ADORA2A: variants seen among roughly 807,000 people sequenced by gnomAD.
ADORA2A encodes adenosine A2a receptor, also known as adenosine receptor A2a.
Under a neutral mutation model 18.4 loss-of-function variants are expected in ADORA2A, and 11 were observed. The observed-to-expected ratio is 0.60, with a 90% CI of 0.38 to 0.99. ADORA2A has a LOEUF of 0.99. Among genes scored for constraint, ADORA2A ranks in the 50% least tolerant of loss-of-function variants. The pLI is 0.01. For synonymous variants in ADORA2A, 218 were observed against 237.3 expected, an observed-to-expected ratio of 0.92 and a Z score of 0.75; for missense variants, 449 against 556.1, an observed-to-expected ratio of 0.81 and a Z score of 1.94.
chr22:24,427,775 G>T (rs199927972), intron 1 of ADORA2A, 29 bp downstream of exon 1: 1 of 152,278 alleles, frequency 6.6e-6, no homozygotes, highest in African/African-American at 2.4e-5. Flanking sequence ...GGGAGGAGGG[G>T]GTGCTGTGGC....
chr22:24,433,479 G>A lies in ADORA2A; in HGVS notation c.75G>A (p.Val25=), dbSNP rs1231431329. Residue 25 remains valine (V), a synonymous_variant, in exon 2 of 3, where the codon GTG becomes GTA. Transcript: ENST00000337539. ...AIAVLAILGN[V]LVCWAVWLNS... is the part of the protein sequence containing the mutation. ...CTGTGCTGGCCATCCTGGGCAATGT[G>A]CTGGTGTGCTGGGCCGTGTGGCTCA... 1 of 1,614,178 alleles carries A rather than the reference G, an allele frequency of 6.2e-7. No individual in the cohort carries two copies. The highest frequency in any genetic ancestry group is 8.5e-7 in the Non-Finnish European group (1 of 1,180,042).
At chr22:24,425,141 G>A (rs541069081), upstream of ADORA2A, among the ~76,000 whole-genome samples, 4 of 152,182 alleles carry the variant, frequency 2.6e-5, no homozygotes, top group East Asian at 7.8e-4. Context: ...GTTCCCCGGC[G>A]GGGCACCCTG....
intron 2 of ADORA2A, among the ~76,000 whole-genome samples, chr22:24,434,070 G>A (rs982230347): frequency 4.6e-5 from 7 of 152,242 alleles, no homozygotes; most frequent in African/African-American, 1.7e-4. Flanking sequence ...TGTGGTCCCA[G>A]TGACCCACGT....
At chr22:24,439,854 A>G (rs1330601405) in intron 2 of ADORA2A, among the ~76,000 whole-genome samples, 2 of 152,042 alleles carry the variant, frequency 1.3e-5, no homozygotes, top group Non-Finnish European at 1.5e-5. Flanking sequence ...TGGCCATGTA[A>G]ATGTTAACAA....
chr22:24,427,773 G>A (rs943860920), intron 1 of ADORA2A, 27 bp downstream of exon 1: 10 of 152,332 alleles, frequency 6.6e-5, no homozygotes, highest in African/African-American at 2.2e-4. Context: ...CGGGGAGGAG[G>A]GGGTGCTGTG....
At chr22:24,425,345 C>CCG (rs1568940797), upstream of ADORA2A, among the ~76,000 whole-genome samples, 2 of 132,692 alleles carry the variant, frequency 1.5e-5, no homozygotes, top group South Asian at 2.7e-4. Context: ...GCACCCCCCC[C>CCG]CCCCCCGCCC....
At chr22:24,434,089 C>T (rs1181743808) in intron 2 of ADORA2A, among the ~76,000 whole-genome samples, 1 of 152,200 alleles carries the variant, frequency 6.6e-6, no homozygotes, top group African/African-American at 2.4e-5. Flanking sequence ...GTGCTGCCAG[C>T]GGGTGTGTCT....
intron 1 of ADORA2A, chr22:24,431,120 G>C (rs921980846): frequency 6.6e-6 from 3 of 456,674 alleles, no homozygotes; most frequent in African/African-American, 6.0e-5. Context: ...GGTGCCAGGA[G>C]AGCTGGTCTG....
chr22:24,432,707 G>A (rs1319540617), intron 1 of ADORA2A: 1 of 153,156 alleles, frequency 6.5e-6, no homozygotes, highest in Non-Finnish European at 1.5e-5. Flanking sequence ...GGAATGCAGG[G>A]AGCCATGGAT....
chr22:24,423,781 G>C (rs867002657), upstream of ADORA2A: 1 of 152,156 alleles, frequency 6.6e-6, no homozygotes. Flanking sequence ...GATCGCCTGC[G>C]GGCCTCGCGG....
In ADORA2A at chr22:24,433,559, A is replaced by G; in HGVS notation, c.155A>G (p.Asp52Gly). The change falls in exon 2 of 3, where the codon GAC (aspartate) becomes GGC (glycine). Residue 52 changes from aspartate (D) to glycine (G), a missense_variant. Asp to Gly is a moderately conservative substitution (Grantham distance 94). Coordinates refer to ENST00000337539, the MANE Select transcript of ADORA2A (RefSeq NM_000675.6). ...NYFVVSLAAA[D>G]IAVGVLAIPF... ...TTTGTGGTGTCACTGGCGGCGGCCG[A>G]CATCGCAGTGGGTGTGCTCGCCATC... The G allele has an allele frequency of 6.2e-7, 1 of 1,614,088 alleles. No individual in the cohort carries two copies. The highest frequency in any genetic ancestry group is 1.1e-5 in the South Asian group (1 of 91,086).
At position 24,441,337 on chromosome 22, in the gene ADORA2A, C is replaced by T. The variant is rs1457638101; in HGVS notation, c.1087C>T (p.Leu363=). ...HPERRPNGYA[L]GLVSGGSAQE... ...TGAGCGGAGGCCCAATGGCTATGCC[C>T]TGGGGCTGGTGAGTGGAGGGAGTGC... Residue 363 remains leucine (L), a synonymous_variant, in exon 3 of 3, where the codon CTG becomes TTG. Coordinates refer to ENST00000337539, the MANE Select transcript of ADORA2A (RefSeq NM_000675.6). The T allele has an allele frequency of 1.3e-6, 2 of 1,597,718 alleles. No individual in the cohort carries two copies. The highest frequency in any genetic ancestry group is 2.7e-5 in the African/African-American group (2 of 74,648).
chr22:24,441,302 C>G lies in ADORA2A; in HGVS notation c.1052C>G (p.Ala351Gly). ...HPPGVWANGS[A>G]PHPERRPNGY... ...CCAGGAGTGTGGGCCAACGGCAGTG[C>G]TCCCCACCCTGAGCGGAGGCCCAAT... is the stretch of plus-strand genomic sequence containing the variant. The change falls in exon 3 of 3, where the codon GCT becomes GGT. Residue 351 changes from alanine to glycine, a missense_variant. Transcript: ENST00000337539. 6.2e-7 allele frequency: 1 copy of G among 1,609,510 alleles called. No homozygotes were observed. The highest frequency in any genetic ancestry group is 1.7e-5 in the Admixed American group (1 of 59,800).
chr22:24,433,727 T>C lies in ADORA2A; in HGVS notation c.323T>C (p.Ile108Thr). 1 of 1,605,740 alleles carries C rather than the reference T, an allele frequency of 6.2e-7. No homozygotes were observed. Among genetic ancestry groups the C allele is most frequent in the Middle Eastern group, 1.6e-4 (1 of 6,062 alleles). ...IAIDRYIAIRIPLRYNGLVTG... is the reference protein window; with the variant it reads ...IAIDRYIAIRTPLRYNGLVTG... ...ATTGACCGCTACATTGCCATCCGCA[T>C]CCCGCTCCGGTGAGCAGGGCCGGGG... is the stretch of plus-strand genomic sequence containing the variant. Residue 108 changes from isoleucine to threonine, a missense_variant, in exon 2 of 3, where the codon ATC (isoleucine) becomes ACC (threonine). Physicochemically the swap from Ile to Thr is moderately conservative, Grantham distance 89. Coordinates refer to ENST00000337539, the MANE Select transcript of ADORA2A (RefSeq NM_000675.6).
chr22:24,424,138 G>C (rs1413223540), upstream of ADORA2A, among the ~76,000 whole-genome samples: 2 of 152,008 alleles, frequency 1.3e-5, no homozygotes, highest in African/African-American at 4.8e-5. This position sits in a 1 kb window ranked among gnomAD's most constrained non-coding sequence, Gnocchi z 4.9. Flanking sequence ...CCCGAGACCA[G>C]TTCCCCGGCG....
chr22:24,429,413 A>G (rs778532641), intron 1 of ADORA2A: 11 of 152,284 alleles, frequency 7.2e-5, no homozygotes, highest in Admixed American at 3.3e-4. Context: ...GGGTAATCAC[A>G]GAGAAGTATT....
At position 24,441,438 on chromosome 22, in the gene ADORA2A, G is replaced by GCCCCCTGGCCTAGATGA; in HGVS notation, c.1199_1215dup (p.Gln406Ter). On this transcript the variant is annotated frameshift_variant, in exon 3 of 3. Transcript: ENST00000337539. LOFTEE classifies it high-confidence loss of function. ...ATGAGCTCAAGGGAGTGTGCCCAGA[G>GCCCCCTGGCCTAGATGA]CCCCCTGGCCTAGATGACCCCCTGG... 6.6e-7 allele frequency: 1 copy of GCCCCCTGGCCTAGATGA among 1,523,438 alleles called. No homozygotes were observed. Among genetic ancestry groups the GCCCCCTGGCCTAGATGA allele is most frequent in the Non-Finnish European group, 8.8e-7 (1 of 1,138,088 alleles). The allele number at this position is 1,523,438 out of a possible 1,614,324, so 94.4% of individuals were successfully genotyped here.
In ADORA2A at chr22:24,440,688, C is replaced by T. The variant is rs780091269; in HGVS notation, c.438C>T (p.Cys146=). The T allele has an allele frequency of 1.2e-5, 20 of 1,613,620 alleles. No homozygotes were observed. Among genetic ancestry groups the T allele is most frequent in the Middle Eastern group, 1.7e-4 (1 of 6,054 alleles). Reference sequence around the variant, plus strand: ...CTCCCATGCTAGGTTGGAACAACTGCGGTCAGCCAAAGGAGGGCAAGAACC... The same window carrying T: ...CTCCCATGCTAGGTTGGAACAACTGTGGTCAGCCAAAGGAGGGCAAGAACC... The part of the protein sequence containing the change: ...GLTPMLGWNN[C]GQPKEGKNHS... The change falls in exon 3 of 3, where the codon TGC becomes TGT. Residue 146 remains cysteine, a synonymous_variant. Transcript: ENST00000337539.
At chr22:24,436,584 T>C (rs1205118021) in intron 2 of ADORA2A, among the ~76,000 whole-genome samples, 2 of 152,148 alleles carry the variant, frequency 1.3e-5, no homozygotes, top group Non-Finnish European at 2.9e-5. Context: ...GACACAGGCT[T>C]CTTTTTCCAG....
Sources: gnomAD v4.1 joint callset for allele counts (sites outside exome capture counted in the v4.1 genomes callset) on GRCh38, gnomAD v4.1.1 for gene constraint, Gnocchi (gnomAD v3.1) non-coding constraint, MANE v1.5 for transcripts, NCBI Gene and HGNC (gene_info 2026-07-23, HGNC 2026-07-21) for gene names.